Variants in TFDP2 observed in about 807,000 individuals in gnomAD.
The protein encoded by TFDP2 is transcription factor Dp-2, also known as transcription factor Dp-2 (E2F dimerization partner 2).
TFDP2 carries 17 observed loss-of-function variants against 59.3 expected under a neutral mutation model. That is an observed-to-expected ratio of 0.29 (90% CI 0.20 to 0.43). The LOEUF is 0.43. Among genes scored for constraint, TFDP2 ranks in the 20% least tolerant of loss-of-function variants. TFDP2 has a pLI of 1.00. For synonymous variants in TFDP2, 180 were observed against 194.7 expected, an observed-to-expected ratio of 0.92 and a Z score of 0.63; for missense variants, 391 against 528.8, an observed-to-expected ratio of 0.74 and a Z score of 2.56.
chr3:142,129,154 CACCA>C (rs1359454115), intron 1 of TFDP2, among the ~76,000 whole-genome samples: 1 of 151,716 alleles, frequency 6.6e-6, no homozygotes, highest in African/African-American at 2.4e-5. Context: ...TTGAGGGTTT[CACCA>C]TTTTTTACAC....
At chr3:141,991,139 A>C (rs772402870) in intron 6 of TFDP2, among the ~76,000 whole-genome samples, 4 of 152,220 alleles carry the variant, frequency 2.6e-5, no homozygotes, top group Non-Finnish European at 4.4e-5. Context: ...TTTCCTTTGA[A>C]GTTTCAAAAG....
At chr3:141,960,562 T>TG (rs1184217358) in intron 10 of TFDP2, among the ~76,000 whole-genome samples, 1 of 152,168 alleles carries the variant, frequency 6.6e-6, no homozygotes, top group East Asian at 1.9e-4. Context: ...GGACAGGGTT[T>TG]GGGGACAATG....
rs1482592666 is a variant in TFDP2 at position 142,149,438 on chromosome 3, G to T, written c.-348C>A. On this transcript the variant is annotated 5_prime_UTR_variant, in exon 1 of 13. Coordinates refer to ENST00000489671, the MANE Select transcript of TFDP2 (RefSeq NM_001178139.2). ...CGCGCCCCGCGGGCCGGGCAGCTGC[G>T]GCAGCGCCGCAGCCGAGATCGCTAC... The T allele has an allele frequency of 2.6e-6, 1 of 381,432 alleles. No individual in the cohort carries two copies. The allele number at this position is 381,432 out of a possible 1,614,324, so 23.6% of individuals were successfully genotyped here.
intron 4 of TFDP2, among the ~76,000 whole-genome samples, chr3:142,000,930 AC>A: frequency 6.6e-6 from 1 of 151,982 alleles, no homozygotes; most frequent in East Asian, 1.9e-4. Context: ...AGGGGCCCCC[AC>A]CCCCATGACT....
Position 141,963,905 on chromosome 3 carries a change from C to T in TFDP2, c.791G>A (p.Gly264Asp), listed in dbSNP as rs771007222. 4.3e-6 allele frequency: 7 copies of T among 1,613,362 alleles called. No individual in the cohort carries two copies. The South Asian group carries it at 7.7e-5, about 18-fold the overall frequency. Residue 264 changes from glycine (G) to aspartate (D), a missense_variant, in exon 10 of 13, where the codon GGC (glycine) becomes GAC (aspartate). Transcript: ENST00000489671. ...AATGGTAGAGTTCAGAGCCGGCGGG[C>T]CCTGGTTTTGCTGCTCATTTTGTCG... is the stretch of plus-strand genomic sequence containing the variant. ...RNRQNEQQNQ[G>D]PPALNSTIQL... is the part of the protein sequence containing the mutation.
At chr3:142,071,557 T>C (rs2060249967) in intron 3 of TFDP2, among the ~76,000 whole-genome samples, 1 of 152,230 alleles carries the variant, frequency 6.6e-6, no homozygotes, top group East Asian at 1.9e-4. Context: ...AGATCTGTGT[T>C]TGAGAAAAAG....
At chr3:142,043,591 G>C in intron 3 of TFDP2, 1 of 768,620 alleles carries the variant, frequency 1.3e-6, no homozygotes, top group South Asian at 1.5e-5. Context: ...TGTAATCACG[G>C]AGGCCAGTAT....
At chr3:141,976,025 C>G (rs1351335958) in intron 7 of TFDP2, among the ~76,000 whole-genome samples, 2 of 151,886 alleles carry the variant, frequency 1.3e-5, no homozygotes, top group African/African-American at 4.8e-5. Context: ...GGATTACAGG[C>G]GCCCACCACC....
intron 3 of TFDP2, among the ~76,000 whole-genome samples, chr3:142,021,826 T>C (rs1945633646): frequency 6.6e-6 from 1 of 152,214 alleles, no homozygotes; most frequent in South Asian, 2.1e-4. Flanking sequence ...CTAAAAGATC[T>C]TAGAAATCAC....
At chr3:141,957,793 T>C (rs770612691) in intron 11 of TFDP2, among the ~76,000 whole-genome samples, 2 of 152,110 alleles carry the variant, frequency 1.3e-5, no homozygotes, top group African/African-American at 2.4e-5. Flanking sequence ...CAAAGTAGAT[T>C]AGTGGTTGCC....
At chr3:142,135,134 G>A (rs79513925) in intron 1 of TFDP2, among the ~76,000 whole-genome samples, 12,679 of 151,882 alleles carry the variant, frequency 0.083, 698 homozygotes, top group Middle Eastern at 0.14. Flanking sequence ...TTACTACATC[G>A]CCCAGGCTAG....
At chr3:142,062,564 C>T (rs930705740) in intron 3 of TFDP2, among the ~76,000 whole-genome samples, 8 of 151,900 alleles carry the variant, frequency 5.3e-5, no homozygotes, top group Non-Finnish European at 7.4e-5. Context: ...GGAGTGTGAA[C>T]TGGTATAACC....
intron 3 of TFDP2, 94 bp from the exon 4 acceptor site, chr3:142,005,638 A>C: frequency 1.3e-6 from 1 of 763,332 alleles, no homozygotes; most frequent in Non-Finnish European, 2.0e-6. Flanking sequence ...CATTATGTTG[A>C]GGTAATTTAT....
intron 3 of TFDP2, among the ~76,000 whole-genome samples, chr3:142,072,528 T>C (rs1343921978): frequency 4.6e-5 from 7 of 152,104 alleles, no homozygotes; most frequent in Non-Finnish European, 8.8e-5. Flanking sequence ...AATAACATTC[T>C]CCAAGACAAG....
intron 3 of TFDP2, among the ~76,000 whole-genome samples, chr3:142,026,448 G>A (rs1199672143): frequency 6.6e-6 from 1 of 152,094 alleles, no homozygotes; most frequent in Admixed American, 6.5e-5. Flanking sequence ...TCTCTCCTTA[G>A]GCCAATTATT....
At chr3:142,028,714 G>A (rs1946274898) in intron 3 of TFDP2, 3 of 985,198 alleles carry the variant, frequency 3.0e-6, no homozygotes, top group Admixed American at 6.2e-5. Context: ...ATACTTCTCA[G>A]TAAAACTAAA....
chr3:142,074,618 G>T (rs570186553), intron 3 of TFDP2, among the ~76,000 whole-genome samples: 1 of 151,924 alleles, frequency 6.6e-6, no homozygotes, highest in Non-Finnish European at 1.5e-5. Flanking sequence ...TTGGGAGGCC[G>T]AGGCAGGTGG....
At chr3:142,100,535 G>A (rs916915582) in intron 2 of TFDP2, among the ~76,000 whole-genome samples, 2 of 152,170 alleles carry the variant, frequency 1.3e-5, no homozygotes, top group Non-Finnish European at 2.9e-5. Flanking sequence ...ACCGCGCCTG[G>A]CTACTTTTTG....
intron 1 of TFDP2, among the ~76,000 whole-genome samples, chr3:142,138,052 G>A (rs1321621450): frequency 6.6e-6 from 1 of 152,122 alleles, no homozygotes; most frequent in Non-Finnish European, 1.5e-5. Flanking sequence ...CAATTTCAGA[G>A]CCTGATATTG....
Sources: gnomAD v4.1 joint callset for allele counts (sites outside exome capture counted in the v4.1 genomes callset) on GRCh38, gnomAD v4.1.1 for gene constraint, MANE v1.5 for transcripts, NCBI Gene and HGNC (gene_info 2026-07-23, HGNC 2026-07-21) for gene names.